PCDHA5: variants seen among roughly 807,000 people sequenced by gnomAD.
The protein encoded by PCDHA5 is protocadherin alpha-5.
Under a neutral mutation model 61.6 loss-of-function variants are expected in PCDHA5, and 43 were observed. The ratio of observed to expected loss-of-function variants is 0.70; its 90% CI spans 0.55 to 0.90. The LOEUF (loss-of-function observed/expected upper bound fraction) is 0.90. PCDHA5 is among the 40% of genes least tolerant of loss of function. The pLI is 0.00. For missense variants in PCDHA5, 1,298 were observed against 1,222.7 expected (o/e 1.06, Z -0.92); for synonymous variants, 627 against 543.9 (o/e 1.15, Z -2.13).
rs782814262 is a variant in PCDHA5, at chr5:140,823,311, G to A, written c.1536G>A (p.Glu512=). The change falls in exon 1 of 4, where the codon GAG becomes GAA. Residue 512 remains glutamate, a synonymous_variant. Coordinates refer to ENST00000529859, the MANE Select transcript of PCDHA5 (RefSeq NM_018908.3). The stretch of plus-strand genomic sequence containing the variant: ...CGAGTTACGTTTCGGTGCACGCGGA[G>A]AGCGGCAAGGTGTACGCGCTGCAGC... ...PLSSYVSVHA[E]SGKVYALQPL... is the part of the protein sequence containing the mutation. The A allele has an allele frequency of 6.2e-7, 1 of 1,612,232 alleles. No individual in the cohort carries two copies. Among genetic ancestry groups the A allele is most frequent in the Non-Finnish European group, 8.5e-7 (1 of 1,179,758 alleles).
intron 1 of PCDHA5, chr5:140,883,711 C>T (rs1554179442): frequency 2.5e-6 from 4 of 1,613,576 alleles, no homozygotes; most frequent in Non-Finnish European, 3.4e-6. Flanking sequence ...CTGCTCAGGA[C>T]GCGGACGCAC....
In PCDHA5 at chr5:140,822,937, C is replaced by T; in HGVS notation, c.1162C>T (p.Leu388=). The change falls in exon 1 of 4, where the codon CTA becomes TTA. Residue 388 remains leucine (L), a synonymous_variant. Coordinates refer to ENST00000529859, the MANE Select transcript of PCDHA5 (RefSeq NM_018908.3). ...SGANGQVTCS[L]MPHVPFKLVS... ...TGCCAACGGGCAGGTGACCTGCTCC[C>T]TAATGCCCCACGTTCCCTTCAAGCT... 6.2e-7 allele frequency: 1 copy of T among 1,614,274 alleles called. No individual in the cohort carries two copies.
intron 1 of PCDHA5, chr5:140,851,516 T>A: frequency 1.1e-6 from 1 of 906,322 alleles, no homozygotes; most frequent in African/African-American, 1.8e-5. Context: ...AAATATGTTT[T>A]AAAATGCCTG....
chr5:140,828,954 T>G, intron 1 of PCDHA5: 1 of 1,614,236 alleles, frequency 6.2e-7, no homozygotes, highest in Non-Finnish European at 8.5e-7. Flanking sequence ...GTTGCAGCCA[T>G]GGTTATTGAC....
chr5:140,854,555 A>G (rs2043158080), intron 1 of PCDHA5: 1 of 150,006 alleles, frequency 6.7e-6, no homozygotes, highest in Non-Finnish European at 1.5e-5. Context: ...ATTCATAAAT[A>G]TTGTTGCTCT....
rs2150225507 is a variant in PCDHA5 at position 140,834,752 on chromosome 5, G to A, written c.2352+10625G>A. The stretch of plus-strand genomic sequence containing the variant: ...AGGTTTTCCATGTGGACGTGGAGGT[G>A]AAGGACATTAACGACAACCCTCCGG... On this transcript the variant is annotated intron_variant, in intron 1 of 3. Coordinates refer to ENST00000529859, the MANE Select transcript of PCDHA5 (RefSeq NM_018908.3). The A allele has an allele frequency of 1.1e-5, 17 of 1,614,188 alleles. No homozygotes were observed. In the Admixed American group the frequency reaches 2.7e-4, roughly 25 times the overall value.
At chr5:140,985,582 C>T (rs2097158950) in intron 3 of PCDHA5, among the ~76,000 whole-genome samples, 1 of 152,116 alleles carries the variant, frequency 6.6e-6, no homozygotes, top group Admixed American at 6.5e-5. Context: ...CCTAAGCCTC[C>T]TTATACTTGC....
rs77940063 is a variant in PCDHA5, at chr5:140,966,638, T to G, written c.2353-12311T>G. Reference sequence around the variant, plus strand: ...ACGGAGGGAGCGGCCCCAGGCGCTTTCTAGAGCGTGAGCGGTGGGGGAGCA... The same window carrying G: ...ACGGAGGGAGCGGCCCCAGGCGCTTGCTAGAGCGTGAGCGGTGGGGGAGCA... On this transcript the variant is annotated intron_variant, in intron 1 of 3. Transcript: ENST00000529859. The G allele has an allele frequency of 3.9e-3, 4,251 of 1,090,104 alleles. 104 individuals carry two copies. The African/African-American group carries it at 0.057, about 15-fold the overall frequency. 67.5% of individuals were successfully genotyped at this position (1,090,104 alleles called of 1,614,324 possible).
At chr5:141,004,681 G>A (rs1554259668) in intron 3 of PCDHA5, among the ~76,000 whole-genome samples, 1 of 152,176 alleles carries the variant, frequency 6.6e-6, no homozygotes. Flanking sequence ...CTGTGGAGTG[G>A]TGCTGAAACC....
At chr5:140,967,073 G>A (rs1554229137) in intron 1 of PCDHA5, 1 of 1,613,160 alleles carries the variant, frequency 6.2e-7, no homozygotes, top group South Asian at 1.1e-5. Flanking sequence ...CTTCGTCAAC[G>A]AGCGCATTGA....
intron 1 of PCDHA5, chr5:140,927,680 G>T: frequency 6.2e-7 from 1 of 1,614,140 alleles, no homozygotes; most frequent in Non-Finnish European, 8.5e-7. Context: ...CCAGATGAAG[G>T]GTCCAATGGG....
At chr5:140,923,151 T>A (rs1239888412) in intron 1 of PCDHA5, among the ~76,000 whole-genome samples, 3 of 152,108 alleles carry the variant, frequency 2.0e-5, no homozygotes, top group Non-Finnish European at 4.4e-5. Context: ...ATAAAAAAAA[T>A]TATAGAAAGA....
At chr5:140,875,397 G>T in intron 1 of PCDHA5, 2 of 1,480,686 alleles carry the variant, frequency 1.4e-6, no homozygotes, top group South Asian at 1.4e-5. Flanking sequence ...AGAAAAGGGT[G>T]ACTGCTCATA....
Position 140,823,687 on chromosome 5 carries a change from G to A in PCDHA5, c.1912G>A (p.Glu638Lys). Residue 638 changes from glutamate to lysine, a missense_variant, in exon 1 of 4, where the codon GAG (glutamate) becomes AAG (lysine). Physicochemically the swap from Glu to Lys is moderately conservative, Grantham distance 56. Coordinates refer to ENST00000529859, the MANE Select transcript of PCDHA5 (RefSeq NM_018908.3). The part of the protein sequence containing the change: ...GEISTTRSLD[E>K]TEAPRHRLLV... ...GATCAGCACAACACGCTCTCTGGAT[G>A]AGACCGAAGCACCGCGCCACCGCCT... 6.2e-7 allele frequency: 1 copy of A among 1,614,016 alleles called. No individual in the cohort carries two copies. Among genetic ancestry groups the A allele is most frequent in the Non-Finnish European group, 8.5e-7 (1 of 1,179,956 alleles).
At chr5:140,848,150 A>AG (rs1781344114) in intron 1 of PCDHA5, 1 of 209,114 alleles carries the variant, frequency 4.8e-6, no homozygotes, top group South Asian at 1.1e-4. Flanking sequence ...AGAGGCAGTC[A>AG]GTCTGCTAAG....
chr5:140,855,410 T>A (rs2043456249), intron 1 of PCDHA5, among the ~76,000 whole-genome samples: 1 of 149,998 alleles, frequency 6.7e-6, no homozygotes, highest in Admixed American at 6.7e-5. Context: ...TTGAAGCTAA[T>A]GATCTCTAAA....
chr5:140,953,670 T>C (rs2094923970), intron 1 of PCDHA5, among the ~76,000 whole-genome samples: 1 of 152,212 alleles, frequency 6.6e-6, no homozygotes, highest in Non-Finnish European at 1.5e-5. Flanking sequence ...TGGAAGGGTC[T>C]GTTTATTATG....
chr5:140,825,700 G>C (rs2150140795), intron 1 of PCDHA5: 6 of 152,272 alleles, frequency 3.9e-5, no homozygotes, highest in Admixed American at 2.6e-4. Flanking sequence ...GGGATTGCAG[G>C]CATGAGCCAT....
chr5:140,942,902 A>G (rs956281163), intron 1 of PCDHA5, among the ~76,000 whole-genome samples: 7 of 152,112 alleles, frequency 4.6e-5, no homozygotes, highest in Admixed American at 1.3e-4. Context: ...ATCTCTAAGA[A>G]TAAGCGTGAA....
Sources: allele counts gnomAD v4.1 joint callset (sites outside exome capture counted in the v4.1 genomes callset), GRCh38; gene constraint gnomAD v4.1.1; transcripts MANE v1.5; gene names NCBI Gene and HGNC (gene_info 2026-07-23, HGNC 2026-07-21).